Variants in TNFSF13B observed in about 807,000 individuals in gnomAD.
The protein encoded by TNFSF13B is TNF superfamily member 13b.
A neutral mutation model predicts 29.1 loss-of-function variants in TNFSF13B; 8 were observed. The observed-to-expected ratio is 0.27, with a 90% confidence interval of 0.16 to 0.50. TNFSF13B has a LOEUF of 0.50. TNFSF13B is among the 20% of genes least tolerant of loss of function. The pLI, the probability that TNFSF13B is intolerant of heterozygous loss-of-function variation, is 0.98. For missense variants in TNFSF13B, 248 were observed against 334.9 expected (o/e 0.74, Z 2.03); for synonymous variants, 125 against 130.8 (o/e 0.96, Z 0.30).
intron 3 of TNFSF13B, among the ~76,000 whole-genome samples, chr13:108,292,192 A>AT (rs1881337123): frequency 6.6e-6 from 1 of 151,878 alleles, no homozygotes; most frequent in Non-Finnish European, 1.5e-5. Flanking sequence ...GGATTCACCT[A>AT]TTTTAGATGG....
chr13:108,283,946 T>TA (rs1881037325), intron 2 of TNFSF13B, among the ~76,000 whole-genome samples: 2 of 152,256 alleles, frequency 1.3e-5, no homozygotes, highest in South Asian at 4.2e-4. Flanking sequence ...GCAGTTAGGT[T>TA]TCAACATAGG....
intron 2 of TNFSF13B, among the ~76,000 whole-genome samples, chr13:108,285,900 G>T (rs1011349246): frequency 6.6e-6 from 1 of 152,094 alleles, no homozygotes; most frequent in Non-Finnish European, 1.5e-5. Context: ...CTGCTTTATT[G>T]TATCTTCCCT....
intron 3 of TNFSF13B, among the ~76,000 whole-genome samples, chr13:108,287,455 A>T (rs1418428100): frequency 5.9e-5 from 9 of 152,218 alleles, no homozygotes; most frequent in Non-Finnish European, 1.0e-4. Flanking sequence ...TTGGGAATAA[A>T]TAATAATTAA....
rs202017165 is a variant in TNFSF13B at position 108,269,879 on chromosome 13, A to T, written c.-17A>T. 3.0e-5 allele frequency: 47 copies of T among 1,578,718 alleles called. No homozygotes were observed. In the East Asian group the frequency reaches 1.0e-3, roughly 35 times the overall value. Reference sequence around the variant, plus strand: ...ACTTATTCTAAAGGCCCCAACCTTCAAAGTTCAAGTAGTGATATGGATGAC... The same window carrying T: ...ACTTATTCTAAAGGCCCCAACCTTCTAAGTTCAAGTAGTGATATGGATGAC... On this transcript the variant is annotated 5_prime_UTR_variant, in exon 1 of 6. It introduces an in-frame stop codon into an upstream open reading frame of the 5' UTR. Transcript: ENST00000375887.
At position 108,303,264 on chromosome 13, in the gene TNFSF13B, T is replaced by C; in HGVS notation, c.493T>C (p.Phe165Leu). 4 of 1,611,642 alleles carry C rather than the reference T, an allele frequency of 2.5e-6. No homozygotes were observed. The highest frequency in any genetic ancestry group is 3.4e-6 in the Non-Finnish European group (4 of 1,178,594). The change falls in exon 4 of 6, where the codon TTT becomes CTT. Residue 165 changes from phenylalanine (F) to leucine (L), a missense_variant. Coordinates refer to ENST00000375887, the MANE Select transcript of TNFSF13B (RefSeq NM_006573.5). ...TCTCTTCATTGCAGGATCTTACACA[T>C]TTGTTCCATGGCTTCTCAGCTTTAA... ...TPTIQKGSYT[F>L]VPWLLSFKRG... is the part of the protein sequence containing the mutation.
chr13:108,295,901 T>A (rs920764359), intron 3 of TNFSF13B, among the ~76,000 whole-genome samples: 1 of 146,376 alleles, frequency 6.8e-6, no homozygotes. Flanking sequence ...CATTTCAGAT[T>A]GAAAAACATA....
rs1184225531 is a variant in TNFSF13B at position 108,307,016 on chromosome 13, C to A, written c.*78C>A. ...GAAGAAAGAATCTAACTGAAAATAC[C>A]AAAAAAAAAAAAAAAAAAAAAAAAA... On this transcript the variant is annotated 3_prime_UTR_variant, in exon 6 of 6. Coordinates refer to ENST00000375887, the MANE Select transcript of TNFSF13B (RefSeq NM_006573.5). 58 of 76,666 alleles carry A rather than the reference C, an allele frequency of 7.6e-4. No homozygotes were observed. The highest frequency in any genetic ancestry group is 2.5e-3 in the Admixed American group (13 of 5,232). 4.7% of individuals were successfully genotyped at this position (76,666 alleles called of 1,614,324 possible).
At position 108,270,089 on chromosome 13, in the gene TNFSF13B, C is replaced by CT; in HGVS notation, c.197dup (p.Tyr67LeufsTer50). ...CTGTCTTGCTGCCTCACGGTGGTGT[C>CT]TTTCTACCAGGTGGCCGCCCTGCAA... On this transcript the variant is annotated frameshift_variant, in exon 1 of 6. Coordinates refer to ENST00000375887, the MANE Select transcript of TNFSF13B (RefSeq NM_006573.5). LOFTEE classifies it high-confidence loss of function. 6.2e-7 allele frequency: 1 copy of CT among 1,605,046 alleles called. No homozygotes were observed. The highest frequency in any genetic ancestry group is 8.5e-7 in the Non-Finnish European group (1 of 1,179,974).
intron 2 of TNFSF13B, among the ~76,000 whole-genome samples, chr13:108,286,478 T>C (rs1353842239): frequency 6.6e-6 from 1 of 152,180 alleles, no homozygotes; most frequent in East Asian, 1.9e-4. Flanking sequence ...AACTGTTTCA[T>C]GTATTTGGTA....
rs186001382 is a variant in TNFSF13B, at chr13:108,273,932, C to T, written c.424+3508C>T. ...TCCACCCTTGAGATAGCAAGACCAA[C>T]GCCTCCTTTCCCTCCTCCCCCTTAG... On this transcript the variant is annotated intron_variant, in intron 2 of 5. Coordinates refer to ENST00000375887, the MANE Select transcript of TNFSF13B (RefSeq NM_006573.5). 5.8e-4 allele frequency among the ~76,000 whole-genome samples: 88 copies of T among 152,186 alleles called. 1 individual carries two copies. The highest frequency in any genetic ancestry group is 1.7e-3 in the African/African-American group (72 of 41,518).
intron 3 of TNFSF13B, among the ~76,000 whole-genome samples, chr13:108,301,992 CTA>C (rs1881640739): frequency 6.6e-6 from 1 of 152,140 alleles, no homozygotes; most frequent in African/African-American, 2.4e-5. Flanking sequence ...CTTGGAAACA[CTA>C]TGTGAAGAAG....
At chr13:108,281,908 C>G (rs1025164759) in intron 2 of TNFSF13B, among the ~76,000 whole-genome samples, 1 of 151,748 alleles carries the variant, frequency 6.6e-6, no homozygotes, top group African/African-American at 2.4e-5. Flanking sequence ...ATATTGAGAT[C>G]TTTAAGTGTT....
intron 5 of TNFSF13B, among the ~76,000 whole-genome samples, chr13:108,303,981 G>T (rs554423650): frequency 1.9e-3 from 284 of 152,266 alleles, no homozygotes; most frequent in Non-Finnish European, 3.4e-3. Context: ...CAAGGATAGA[G>T]TGATTACCAC....
At chr13:108,294,562 A>G (rs1175130150) in intron 3 of TNFSF13B, among the ~76,000 whole-genome samples, 2 of 151,810 alleles carry the variant, frequency 1.3e-5, no homozygotes, top group Non-Finnish European at 2.9e-5. Context: ...TTTTTTTTTA[A>G]TTTCCAGCAT....
At chr13:108,273,951 C>T (rs1035300302) in intron 2 of TNFSF13B, among the ~76,000 whole-genome samples, 33 of 152,124 alleles carry the variant, frequency 2.2e-4, no homozygotes, top group African/African-American at 7.2e-4. Context: ...TCCCTCCTCC[C>T]CCTTAGCTTA....
At chr13:108,286,451 A>G (rs1247418284) in intron 2 of TNFSF13B, among the ~76,000 whole-genome samples, 1 of 152,092 alleles carries the variant, frequency 6.6e-6, no homozygotes, top group Non-Finnish European at 1.5e-5. Flanking sequence ...GATTGTTTAG[A>G]ATGTTCTTAT....
At chr13:108,288,730 A>C (rs925800948) in intron 3 of TNFSF13B, among the ~76,000 whole-genome samples, 7 of 152,204 alleles carry the variant, frequency 4.6e-5, no homozygotes, top group African/African-American at 1.7e-4. Context: ...ACAACCCACA[A>C]ATGAACAAGT....
intron 3 of TNFSF13B, among the ~76,000 whole-genome samples, chr13:108,293,737 A>G (rs1170436415): frequency 6.6e-6 from 1 of 152,222 alleles, no homozygotes; most frequent in Non-Finnish European, 1.5e-5. Flanking sequence ...AGTGGATTAA[A>G]CAATAAAAAT....
At position 108,286,842 on chromosome 13, in the gene TNFSF13B, C is replaced by T. The variant is rs1472023222; in HGVS notation, c.464C>T (p.Thr155Ile). The stretch of plus-strand genomic sequence containing the variant: ...TTGCAACTGATTGCAGACAGTGAAA[C>T]ACCAACTATACAAAAAGGTAATAAA... Reference protein sequence around the residue: ...DCLQLIADSETPTIQKGSYTF... With the variant: ...DCLQLIADSEIPTIQKGSYTF... Residue 155 changes from threonine (T) to isoleucine (I), a missense_variant, in exon 3 of 6, where the codon ACA becomes ATA. By Grantham distance (89) the Thr-to-Ile change is moderately conservative. Transcript: ENST00000375887. 1.3e-6 allele frequency: 2 copies of T among 1,570,128 alleles called. No homozygotes were observed. The highest frequency in any genetic ancestry group is 1.7e-6 in the Non-Finnish European group (2 of 1,153,258).
Sources: gnomAD v4.1 joint callset for allele counts (sites outside exome capture counted in the v4.1 genomes callset) on GRCh38, gnomAD v4.1.1 for gene constraint, MANE v1.5 for transcripts, NCBI Gene and HGNC (gene_info 2026-07-23, HGNC 2026-07-21) for gene names.